Variants in NFIB observed in about 807,000 individuals in gnomAD.
The protein encoded by NFIB is nuclear factor I B, also known as nuclear factor 1 B-type.
NFIB carries 11 observed loss-of-function variants against 61.5 expected under a neutral mutation model. That is an observed-to-expected ratio of 0.18 (90% CI 0.11 to 0.30). The LOEUF is 0.30. NFIB is among the 10% of genes least tolerant of loss of function. NFIB has a pLI of 1.00. For synonymous variants in NFIB, 260 were observed against 216.5 expected (o/e 1.20, Z -1.76); for missense variants, 471 against 608.9 (o/e 0.77, Z 2.38).
At chr9:14,347,996 G>A (rs111799215) in intron 1 of NFIB, among the ~76,000 whole-genome samples, 282 of 152,296 alleles carry the variant, frequency 1.9e-3, no homozygotes, top group African/African-American at 6.6e-3. Context: ...GGGGACGTTG[G>A]TGCTAGCGAT....
At chr9:14,089,380 A>G (rs1241810595) in intron 10 of NFIB, among the ~76,000 whole-genome samples, 1 of 150,750 alleles carries the variant, frequency 6.6e-6, no homozygotes, top group Non-Finnish European at 1.5e-5. Flanking sequence ...AAAAAAAAAA[A>G]GACTGGAAAA....
the NFIB span, among the ~76,000 whole-genome samples, chr9:14,511,324 T>C: frequency 2.0e-5 from 3 of 152,100 alleles, no homozygotes; most frequent in Non-Finnish European, 4.4e-5. Context: ...TTACACTTGA[T>C]TACTTTATAA....
chr9:14,088,558 A>G lies in NFIB; in HGVS notation c.1468-232T>C, dbSNP rs139558115. On this transcript the variant is annotated intron_variant, in intron 10 of 10. Coordinates refer to ENST00000380953, the MANE Select transcript of NFIB (RefSeq NM_001190737.2). ...ATTAAGACTAAAGTGAGGCAGAAAA[A>G]TCCAGAGTAAGATATATAAACAATT... 1.0e-2 allele frequency among the ~76,000 whole-genome samples: 1,519 copies of G among 152,250 alleles called. 23 individuals are homozygous for G. The highest frequency in any genetic ancestry group is 0.034 in the African/African-American group (1,419 of 41,544).
the NFIB span, among the ~76,000 whole-genome samples, chr9:14,426,608 A>G: frequency 2.0e-5 from 3 of 152,210 alleles, no homozygotes; most frequent in Non-Finnish European, 2.9e-5. Flanking sequence ...GTAAGTCTTT[A>G]TATTTTTCTG....
At chr9:14,362,137 C>T (rs1317534703) in intron 1 of NFIB, 1 of 152,122 alleles carries the variant, frequency 6.6e-6, no homozygotes, top group East Asian at 1.9e-4. Flanking sequence ...AGTTCTGTGG[C>T]TCCAATTCTA....
the NFIB span, among the ~76,000 whole-genome samples, chr9:14,445,020 G>A: frequency 3.9e-5 from 6 of 152,136 alleles, no homozygotes; most frequent in East Asian, 1.9e-4. Context: ...TCTGTGGCTC[G>A]CTTTCTATAC....
the NFIB span, among the ~76,000 whole-genome samples, chr9:14,517,545 G>A: frequency 6.6e-6 from 1 of 152,146 alleles, no homozygotes; most frequent in African/African-American, 2.4e-5. Flanking sequence ...TATGTTACTT[G>A]ATCTACGTCT....
intron 2 of NFIB, among the ~76,000 whole-genome samples, chr9:14,208,816 C>G (rs887940633): frequency 1.3e-5 from 2 of 152,134 alleles, no homozygotes; most frequent in African/African-American, 4.8e-5. Flanking sequence ...TTTTCTCAAA[C>G]AACTCCAGTA....
chr9:14,448,333 C>A, the NFIB span, among the ~76,000 whole-genome samples: 1 of 152,126 alleles, frequency 6.6e-6, no homozygotes, highest in Admixed American at 6.5e-5. Context: ...CTTGCGGTAT[C>A]TATAGTGGTA....
At chr9:14,352,730 C>T (rs975288631) in intron 1 of NFIB, among the ~76,000 whole-genome samples, 2 of 152,212 alleles carry the variant, frequency 1.3e-5, no homozygotes, top group African/African-American at 4.8e-5. Context: ...TGAGAGGCTC[C>T]AATAACAGAC....
chr9:14,091,212 T>C (rs1261448009), intron 10 of NFIB, among the ~76,000 whole-genome samples: 1 of 151,780 alleles, frequency 6.6e-6, no homozygotes, highest in Non-Finnish European at 1.5e-5. Flanking sequence ...TTCAGAACTA[T>C]AAGGCACAGA....
chr9:14,467,706 C>A, the NFIB span, among the ~76,000 whole-genome samples: 1 of 152,248 alleles, frequency 6.6e-6, no homozygotes, highest in East Asian at 1.9e-4. Flanking sequence ...TTATCAAACA[C>A]CTACCATAGG....
chr9:14,395,423 G>C (rs932287709), intron 1 of NFIB, among the ~76,000 whole-genome samples: 1 of 151,992 alleles, frequency 6.6e-6, no homozygotes, highest in African/African-American at 2.4e-5. Flanking sequence ...AAGGGCAGTA[G>C]TGTCCCAATA....
At chr9:14,322,162 T>A in intron 1 of NFIB, 1 of 1,205,394 alleles carries the variant, frequency 8.3e-7, no homozygotes, top group Non-Finnish European at 1.0e-6. Flanking sequence ...CCACAGTTCT[T>A]GGCCCGAGAA....
chr9:14,146,152 C>A (rs1317743464), intron 6 of NFIB, among the ~76,000 whole-genome samples: 1 of 152,074 alleles, frequency 6.6e-6, no homozygotes, highest in Non-Finnish European at 1.5e-5. Flanking sequence ...TCAAAGCTGC[C>A]CTAGAACTGG....
chr9:14,269,953 G>A (rs1432825168), intron 2 of NFIB, among the ~76,000 whole-genome samples: 2 of 152,018 alleles, frequency 1.3e-5, no homozygotes, highest in African/African-American at 2.4e-5. Flanking sequence ...TATATATATT[G>A]ATTAATTTTA....
intron 10 of NFIB, among the ~76,000 whole-genome samples, chr9:14,109,237 T>C (rs1191986740): frequency 6.6e-6 from 1 of 152,054 alleles, no homozygotes; most frequent in Non-Finnish European, 1.5e-5. Context: ...CTAAGCAACA[T>C]CCAACACTCT....
intron 1 of NFIB, among the ~76,000 whole-genome samples, chr9:14,370,881 G>T (rs2061350504): frequency 6.6e-6 from 1 of 152,214 alleles, no homozygotes; most frequent in Non-Finnish European, 1.5e-5. Context: ...GATCACTTGA[G>T]GTCGGGAGTT....
At chr9:14,495,445 A>ATTTTTTTTT in the NFIB span, among the ~76,000 whole-genome samples, 4,167 of 97,360 alleles carry the variant, frequency 0.043, 214 homozygotes, top group Admixed American at 0.073. Flanking sequence ...AGAGAAATGA[A>ATTTTTTTTT]CTTTTTTTTT....
Sources: allele counts gnomAD v4.1 joint callset (sites outside exome capture counted in the v4.1 genomes callset), GRCh38; gene constraint gnomAD v4.1.1; transcripts MANE v1.5; gene names NCBI Gene and HGNC (gene_info 2026-07-23, HGNC 2026-07-21).